LARGE1: variants seen among roughly 807,000 people sequenced by gnomAD.
The protein encoded by LARGE1 is xylosyl- and glucuronyltransferase LARGE1.
LARGE1 carries 43 observed loss-of-function variants against 87.6 expected under a neutral mutation model. The ratio of observed to expected loss-of-function variants is 0.49; its 90% CI spans 0.38 to 0.63. The LOEUF is 0.63. LARGE1 is among the 30% of genes least tolerant of loss of function. LARGE1 has a pLI of 0.00. For missense variants in LARGE1, 802 were observed against 1,000.2 expected (o/e 0.80, Z 2.67); for synonymous variants, 434 against 394.6 (o/e 1.10, Z -1.18).
At chr22:33,144,125 C>T in the LARGE1 span, among the ~76,000 whole-genome samples, 3 of 151,990 alleles carry the variant, frequency 2.0e-5, no homozygotes, top group Non-Finnish European at 4.4e-5. Context: ...TTCAACTTTT[C>T]TTTTATAACT....
At chr22:33,147,507 T>C in the LARGE1 span, among the ~76,000 whole-genome samples, 3 of 152,222 alleles carry the variant, frequency 2.0e-5, no homozygotes, top group African/African-American at 7.2e-5. Flanking sequence ...AATGTTAAAA[T>C]GTTTTAAACA....
At chr22:33,126,890 G>C in the LARGE1 span, among the ~76,000 whole-genome samples, 3 of 152,246 alleles carry the variant, frequency 2.0e-5, no homozygotes, top group Non-Finnish European at 4.4e-5. Context: ...AATGCTGGTT[G>C]CAATACTGTG....
At chr22:33,345,663 G>T (rs1939661998) in intron 9 of LARGE1, among the ~76,000 whole-genome samples, 1 of 152,194 alleles carries the variant, frequency 6.6e-6, no homozygotes. Flanking sequence ...AAAATTGACA[G>T]AAATTGATTA....
the LARGE1 span, among the ~76,000 whole-genome samples, chr22:33,136,451 T>G: frequency 1.7e-4 from 26 of 152,308 alleles, no homozygotes; most frequent in Admixed American, 5.9e-4. Context: ...CCCCCATGAT[T>G]ATTAATTCCC....
chr22:33,478,567 T>C (rs1386472798), intron 6 of LARGE1, among the ~76,000 whole-genome samples: 1 of 152,234 alleles, frequency 6.6e-6, no homozygotes, highest in Admixed American at 6.5e-5. Context: ...AACAGATTTG[T>C]TTGGGAACTC....
intron 1 of LARGE1, among the ~76,000 whole-genome samples, chr22:33,833,613 C>T (rs931312490): frequency 6.6e-5 from 10 of 152,296 alleles, no homozygotes; most frequent in East Asian, 1.9e-4. Context: ...TACCTTGTTA[C>T]GATAGGGCTA....
At position 33,334,106 on chromosome 22, in the gene LARGE1, G is replaced by C. The variant is rs138152838; in HGVS notation, c.1287+3540C>G. On this transcript the variant is annotated intron_variant, in intron 10 of 14. Transcript: ENST00000397394. ...GCACTGCACTCCAGCTGGGGCGACA[G>C]TGCGAGATTCCGTCTCAAAAAAAAA... Among the ~76,000 whole-genome samples, 1,114 of 149,774 alleles carry C rather than the reference G, an allele frequency of 7.4e-3. 10 individuals carry two copies. Among genetic ancestry groups the C allele is most frequent in the African/African-American group, 0.025 (1,008 of 40,720 alleles).
In LARGE1 at chr22:33,564,875, G is replaced by T; in HGVS notation, c.760C>A (p.Leu254Met). 6.2e-7 allele frequency: 1 copy of T among 1,614,200 alleles called. No individual in the cohort carries two copies. Among genetic ancestry groups the T allele is most frequent in the Non-Finnish European group, 8.5e-7 (1 of 1,180,028 alleles). The stretch of plus-strand genomic sequence containing the variant: ...TTGAACTTGTGGAACACAGCCCACA[G>T]CTCTGCAATGTCAGTGGCAAAGGTG... ...DITFATDIAE[L>M]WAVFHKFKGQ... Residue 254 changes from leucine to methionine, a missense_variant, in exon 6 of 15, where the codon CTG (leucine) becomes ATG (methionine). By Grantham distance (15) the Leu-to-Met change is conservative. Transcript: ENST00000397394.
chr22:33,270,389 G>A (rs1928181056), downstream of LARGE1, among the ~76,000 whole-genome samples: 2 of 152,186 alleles, frequency 1.3e-5, no homozygotes, highest in African/African-American at 4.8e-5. Flanking sequence ...GCTGATTTCA[G>A]TATTGTATGG....
chr22:33,509,382 C>T (rs2070936273), intron 6 of LARGE1, among the ~76,000 whole-genome samples: 1 of 152,142 alleles, frequency 6.6e-6, no homozygotes, highest in Non-Finnish European at 1.5e-5. Flanking sequence ...TCTTGGAGGT[C>T]CCAAGCACAC....
chr22:33,096,979 G>A, the LARGE1 span, among the ~76,000 whole-genome samples: 9 of 152,230 alleles, frequency 5.9e-5, no homozygotes, highest in Non-Finnish European at 1.2e-4. Flanking sequence ...CAAGACTGGG[G>A]AACCCCCAAA....
intron 1 of LARGE1, among the ~76,000 whole-genome samples, chr22:33,862,854 T>G (rs1248767047): frequency 6.6e-6 from 1 of 152,124 alleles, no homozygotes; most frequent in South Asian, 2.1e-4. Flanking sequence ...AAAACAATAT[T>G]GATGATTGAT....
At position 33,908,285 on chromosome 22, in the gene LARGE1, A is replaced by G. The variant is rs146461963; in HGVS notation, c.-83+11710T>C. On this transcript the variant is annotated intron_variant, in intron 1 of 14. Transcript: ENST00000397394. ...GCTCCCGCTCTCTAGCAAAACAGTCAGGTTACGGCGCAGAAAGTGCAGCTG... is the reference window on the plus strand; with the variant it reads ...GCTCCCGCTCTCTAGCAAAACAGTCGGGTTACGGCGCAGAAAGTGCAGCTG... Among the ~76,000 whole-genome samples the G allele has an allele frequency of 5.6e-3, 847 of 152,298 alleles. 10 individuals carry two copies. Among genetic ancestry groups the G allele is most frequent in the African/African-American group, 0.02 (820 of 41,560 alleles).
intron 1 of LARGE1, among the ~76,000 whole-genome samples, chr22:33,814,487 C>T (rs1272089814): frequency 1.1e-4 from 17 of 152,174 alleles, no homozygotes; most frequent in Admixed American, 1.1e-3. Flanking sequence ...TGGTTAATAT[C>T]TACAATCAGT....
At chr22:33,424,506 A>G (rs771125484) in intron 7 of LARGE1, among the ~76,000 whole-genome samples, 49 of 152,310 alleles carry the variant, frequency 3.2e-4, no homozygotes, top group Non-Finnish European at 5.7e-4. Flanking sequence ...ACTGAATGTC[A>G]TATCTCCCCC....
chr22:33,780,553 T>G (rs1412468829), intron 1 of LARGE1, among the ~76,000 whole-genome samples: 1 of 152,186 alleles, frequency 6.6e-6, no homozygotes, highest in Non-Finnish European at 1.5e-5. Context: ...AGCCAAGCTT[T>G]AGGAAATCTC....
At chr22:33,250,233 T>C (rs1926950417) in intron 11 of LARGE1, among the ~76,000 whole-genome samples, 1 of 152,206 alleles carries the variant, frequency 6.6e-6, no homozygotes, top group Non-Finnish European at 1.5e-5. Context: ...ATAGACCTTA[T>C]GCATATTTTG....
At chr22:33,408,389 T>C (rs977823664) in intron 7 of LARGE1, among the ~76,000 whole-genome samples, 4 of 152,160 alleles carry the variant, frequency 2.6e-5, no homozygotes, top group African/African-American at 7.2e-5. Context: ...TGGTCCGAGG[T>C]TGGAGAGGCA....
chr22:33,514,006 A>T (rs1425429143), intron 6 of LARGE1, among the ~76,000 whole-genome samples: 1 of 152,186 alleles, frequency 6.6e-6, no homozygotes, highest in Non-Finnish European at 1.5e-5. Context: ...CAGTATAGTG[A>T]CATGCTGCCC....
Sources: allele counts gnomAD v4.1 joint callset (sites outside exome capture counted in the v4.1 genomes callset), GRCh38; gene constraint gnomAD v4.1.1; transcripts MANE v1.5; gene names NCBI Gene and HGNC (gene_info 2026-07-23, HGNC 2026-07-21).